The following PCSK6 variants were observed in gnomAD, a reference collection of about 807,000 sequenced individuals.
PCSK6 encodes proprotein convertase subtilisin/kexin type 6.
A neutral mutation model predicts 123.3 loss-of-function variants in PCSK6; 85 were observed. That is an observed-to-expected ratio of 0.69 (90% confidence interval 0.58 to 0.83). The LOEUF (loss-of-function observed/expected upper bound fraction) is 0.83, where lower values mean the gene tolerates loss of function less well. Ranked by LOEUF, PCSK6 falls within the 40% of genes least tolerant of loss-of-function variation. The pLI is 0.00. For missense variants in PCSK6, 1,191 were observed against 1,282.3 expected (o/e 0.93, Z 1.09); for synonymous variants, 508 against 516.0 (o/e 0.98, Z 0.21).
At chr15:101,441,021 G>GA (rs1229549611) in intron 2 of PCSK6, among the ~76,000 whole-genome samples, 1 of 152,202 alleles carries the variant, frequency 6.6e-6, no homozygotes, top group Non-Finnish European at 1.5e-5. Flanking sequence ...CCAATCCTAG[G>GA]AACGTTCCAG....
chr15:101,396,651 G>A (rs967295803), intron 7 of PCSK6, among the ~76,000 whole-genome samples: 3 of 152,018 alleles, frequency 2.0e-5, no homozygotes, highest in South Asian at 2.1e-4. Flanking sequence ...TTCTTGGTGG[G>A]CAGCAGCTGA....
intron 1 of PCSK6, among the ~76,000 whole-genome samples, chr15:101,459,451 T>A (rs62027219): frequency 4.0e-5 from 4 of 99,324 alleles, no homozygotes; most frequent in African/African-American, 1.0e-4. Context: ...CCACATCACC[T>A]GCTGCCACCA....
chr15:101,484,902 A>G (rs897002507), intron 1 of PCSK6, among the ~76,000 whole-genome samples: 4 of 152,106 alleles, frequency 2.6e-5, no homozygotes, highest in Non-Finnish European at 5.9e-5. Flanking sequence ...TCCTTCATTT[A>G]AAAAAACGCC....
chr15:101,428,269 A>C (rs1201331900), intron 5 of PCSK6, among the ~76,000 whole-genome samples: 1 of 152,206 alleles, frequency 6.6e-6, no homozygotes, highest in Non-Finnish European at 1.5e-5. Flanking sequence ...TGCCTGCCCC[A>C]GTGCCCGTGG....
At chr15:101,380,508 G>A (rs1031621827) in intron 11 of PCSK6, among the ~76,000 whole-genome samples, 6 of 152,214 alleles carry the variant, frequency 3.9e-5, no homozygotes, top group African/African-American at 1.2e-4. Flanking sequence ...TTTCAAATTT[G>A]ACAGTCTAAG....
chr15:101,304,058 T>A lies in PCSK6; in HGVS notation c.*1200A>T, dbSNP rs1391101157. ...TCCAGCTCACAGGTGACAAGGCAAA[T>A]GCACTGTCGTCAAACAGGGGAGCAG... On this transcript the variant is annotated 3_prime_UTR_variant, in exon 22 of 22. Coordinates refer to ENST00000611716, the MANE Select transcript of PCSK6 (RefSeq NM_002570.5). The A allele has an allele frequency of 6.6e-6, 1 of 152,554 alleles. No homozygotes were observed. The allele number at this position is 152,554 out of a possible 1,614,324, so 9.5% of individuals were successfully genotyped here.
At chr15:101,407,869 T>C (rs529063009) in intron 6 of PCSK6, among the ~76,000 whole-genome samples, 1 of 152,334 alleles carries the variant, frequency 6.6e-6, no homozygotes, top group African/African-American at 2.4e-5. Context: ...ACCTAAATAA[T>C]ACCGAAAATG....
Position 101,480,511 on chromosome 15 carries a change from G to A in PCSK6, c.297+8863C>T, listed in dbSNP as rs144191721. 3.8e-4 allele frequency among the ~76,000 whole-genome samples: 58 copies of A among 152,382 alleles called. 1 individual carries two copies. The East Asian group carries it at 0.01, about 27-fold the overall frequency. On this transcript the variant is annotated intron_variant, in intron 1 of 21. Coordinates refer to ENST00000611716, the MANE Select transcript of PCSK6 (RefSeq NM_002570.5). Reference sequence around the variant, plus strand: ...GGCTGCTGATCCCATCCCATGGAGCGTGAGGCTCCTGACAGCTGATGGCTA... The same window carrying A: ...GGCTGCTGATCCCATCCCATGGAGCATGAGGCTCCTGACAGCTGATGGCTA...
chr15:101,372,617 C>T (rs1243531699), intron 11 of PCSK6, among the ~76,000 whole-genome samples: 1 of 152,000 alleles, frequency 6.6e-6, no homozygotes, highest in Non-Finnish European at 1.5e-5. Flanking sequence ...AGGTGAGTGT[C>T]CCCCATCCCC....
intron 2 of PCSK6, among the ~76,000 whole-genome samples, chr15:101,439,923 C>T (rs1316971525): frequency 6.6e-6 from 1 of 152,210 alleles, no homozygotes; most frequent in Non-Finnish European, 1.5e-5. Context: ...ATTTCCATCA[C>T]CAATCTGGCT....
chr15:101,475,822 A>G (rs2057717467), intron 1 of PCSK6, among the ~76,000 whole-genome samples: 1 of 152,166 alleles, frequency 6.6e-6, no homozygotes, highest in Non-Finnish European at 1.5e-5. Flanking sequence ...CAATGAGGGA[A>G]AAGAAGCATA....
intron 13 of PCSK6, among the ~76,000 whole-genome samples, chr15:101,363,132 G>A (rs963172): frequency 2.1e-4 from 32 of 152,176 alleles, no homozygotes; most frequent in Non-Finnish European, 4.0e-4. Flanking sequence ...ATCAGTGCAC[G>A]CATGTTGGCC....
chr15:101,377,527 CAT>C (rs1196836259), intron 11 of PCSK6, among the ~76,000 whole-genome samples: 2 of 152,182 alleles, frequency 1.3e-5, no homozygotes, highest in Admixed American at 6.5e-5. Context: ...TCCAACCTCA[CAT>C]GTTTATTGGG....
intron 2 of PCSK6, among the ~76,000 whole-genome samples, chr15:101,443,158 G>A (rs2056799862): frequency 6.6e-6 from 1 of 152,112 alleles, no homozygotes. Context: ...GTGAATCTTT[G>A]AGGAAAAAAA....
intron 7 of PCSK6, among the ~76,000 whole-genome samples, chr15:101,394,205 G>T (rs765064641): frequency 2.6e-5 from 4 of 151,050 alleles, no homozygotes; most frequent in Non-Finnish European, 5.9e-5. Flanking sequence ...GAACTCCCGG[G>T]CTCAGGTGAT....
At chr15:101,336,788 C>T in intron 13 of PCSK6, 1 of 122,354 alleles carries the variant, frequency 8.2e-6, no homozygotes, top group Non-Finnish European at 1.7e-5. Context: ...ATACTCATGA[C>T]AGCCTATGAG....
At chr15:101,328,471 G>A (rs2040307979) in intron 15 of PCSK6, among the ~76,000 whole-genome samples, 1 of 152,112 alleles carries the variant, frequency 6.6e-6, no homozygotes, top group Non-Finnish European at 1.5e-5. Flanking sequence ...ATGAGAGGAG[G>A]GTGGCTAGGA....
rs1355305129 is a variant in PCSK6 at position 101,307,686 on chromosome 15, T to C, written c.2700-361A>G. 5.7e-5 allele frequency: 13 copies of C among 228,946 alleles called. No individual in the cohort carries two copies. In the East Asian group the frequency reaches 1.4e-3, roughly 24 times the overall value. The allele number at this position is 228,946 out of a possible 1,614,324, so 14.2% of individuals were successfully genotyped here. On this transcript the variant is annotated intron_variant, in intron 20 of 21. Transcript: ENST00000611716. ...GGCTCCCAGAGCTGTGTCAGTCTTC[T>C]CTCTCCAGCGGCTGCCGGGCTGCGA...
chr15:101,341,248 G>GTTTT (rs149761692), intron 13 of PCSK6, among the ~76,000 whole-genome samples: 2 of 129,640 alleles, frequency 1.5e-5, no homozygotes, highest in Admixed American at 7.9e-5. Context: ...AAAGTGTGGG[G>GTTTT]TTTTTTTTTT....
Sources: gnomAD v4.1 joint callset for allele counts (sites outside exome capture counted in the v4.1 genomes callset) on GRCh38, gnomAD v4.1.1 for gene constraint, MANE v1.5 for transcripts, NCBI Gene and HGNC (gene_info 2026-07-23, HGNC 2026-07-21) for gene names.